Variants in SBNO2 observed in about 807,000 individuals in gnomAD.
SBNO2 encodes protein strawberry notch homolog 2.
Under a neutral mutation model 146.3 loss-of-function variants are expected in SBNO2, and 89 were observed. That is an observed-to-expected ratio of 0.61 (90% CI 0.51 to 0.73). The LOEUF (loss-of-function observed/expected upper bound fraction) is 0.73, where lower values mean the gene tolerates loss of function less well. SBNO2 is among the 30% of genes least tolerant of loss of function. SBNO2 has a pLI of 0.00. For synonymous variants in SBNO2, 1,147 were observed against 892.6 expected, an observed-to-expected ratio of 1.29 and a Z score of -5.08; for missense variants, 2,092 against 2,003.7, an observed-to-expected ratio of 1.04 and a Z score of -0.84.
At chr19:1,122,592 T>TGGCC in intron 9 of SBNO2, 34 bp from the exon 10 acceptor site, 1 of 1,455,632 alleles carries the variant, frequency 6.9e-7, no homozygotes, top group Non-Finnish European at 9.2e-7. Flanking sequence ...CGCCCACCCT[T>TGGCC]CCCCCTCGCC....
chr19:1,155,191 C>G (rs1466725588), intron 1 of SBNO2: 1 of 152,278 alleles, frequency 6.6e-6, no homozygotes. Flanking sequence ...GAGGCGGCGG[C>G]CACTCCCGGC....
rs760910576 is a variant in SBNO2, at chr19:1,110,687, G to A, written c.3028+58C>T. 21 of 1,582,758 alleles carry A rather than the reference G, an allele frequency of 1.3e-5. No individual in the cohort carries two copies. Among genetic ancestry groups the A allele is most frequent in the Non-Finnish European group, 1.4e-5 (16 of 1,160,576 alleles). On this transcript the variant is annotated intron_variant, in intron 26 of 31. Transcript: ENST00000361757. The surrounding 1 kb of genome is among the most constrained non-coding windows in gnomAD (Gnocchi z 4.9). ...CCCGAGCCCACCCAGGATGCATGGC[G>A]TTCCCACGAGCCCCGCACCCACACC...
chr19:1,109,338 T>C lies in SBNO2; in HGVS notation c.3302A>G (p.Gln1101Arg). The change falls in exon 29 of 32, where the codon CAG becomes CGG. Residue 1101 changes from glutamine (Q) to arginine (R), a missense_variant. Transcript: ENST00000361757. This position sits in a 1 kb window ranked among gnomAD's most constrained non-coding sequence, Gnocchi z 4.2. ...FTVYKPNIGRQSQLEALDSLR... is the reference protein window; with the variant it reads ...FTVYKPNIGRRSQLEALDSLR... Reference sequence around the variant, plus strand: ...GCTGTCCAGGGCCTCCAGCTGGCTCTGCCGGCCGATGTTGGGCTTGTACAC... The same window carrying C: ...GCTGTCCAGGGCCTCCAGCTGGCTCCGCCGGCCGATGTTGGGCTTGTACAC... 6.3e-7 allele frequency: 1 copy of C among 1,594,386 alleles called. No homozygotes were observed.
At position 1,109,925 on chromosome 19, in the gene SBNO2, G is replaced by A. The variant is rs1453581651; in HGVS notation, c.3029-148C>T. 2 of 634,452 alleles carry A rather than the reference G, an allele frequency of 3.2e-6. No homozygotes were observed. Among genetic ancestry groups the A allele is most frequent in the Admixed American group, 3.0e-5 (1 of 33,658 alleles). The allele number at this position is 634,452 out of a possible 1,614,324, so 39.3% of individuals were successfully genotyped here. A position where few individuals can be genotyped will look rare whatever the true frequency, so the allele number is the denominator to read the frequency against. On this transcript the variant is annotated intron_variant, in intron 26 of 31. Coordinates refer to ENST00000361757, the MANE Select transcript of SBNO2 (RefSeq NM_014963.3). This position sits in a 1 kb window ranked among gnomAD's most constrained non-coding sequence, Gnocchi z 4.2. ...CTGGATCCTGGCCTGACCTGGCCCA[G>A]CGTGGGGATGGTGCACGTGGGCCCC...
rs1465348170 is a variant in SBNO2 at position 1,109,372 on chromosome 19, A to G, written c.3268T>C (p.Phe1090Leu). ...CLLAEQNRGQFFTVYKPNIGR... is the reference protein window; with the variant it reads ...CLLAEQNRGQLFTVYKPNIGR... The stretch of plus-strand genomic sequence containing the variant: ...ATGTTGGGCTTGTACACCGTGAAGA[A>G]CTGGCCGCGGTTCTGCTCCGCCAGC... The change falls in exon 29 of 32, where the codon TTC (phenylalanine) becomes CTC (leucine). Residue 1090 changes from phenylalanine (F) to leucine (L), a missense_variant. Coordinates refer to ENST00000361757, the MANE Select transcript of SBNO2 (RefSeq NM_014963.3). The surrounding 1 kb of genome is among the most constrained non-coding windows in gnomAD (Gnocchi z 4.2). 5.7e-6 allele frequency: 9 copies of G among 1,579,682 alleles called. No individual in the cohort carries two copies. The highest frequency in any genetic ancestry group is 7.7e-6 in the Non-Finnish European group (9 of 1,163,892).
At chr19:1,169,648 A>C (rs1245855606) in intron 1 of SBNO2, among the ~76,000 whole-genome samples, 2 of 151,100 alleles carry the variant, frequency 1.3e-5, no homozygotes, top group East Asian at 3.9e-4. Flanking sequence ...ACAGCTGCCC[A>C]TCACCCCTTG....
intron 5 of SBNO2, 100 bp from the exon 6 acceptor site, chr19:1,124,122 G>T (rs1322971793): frequency 1.8e-6 from 2 of 1,094,398 alleles, no homozygotes; most frequent in Non-Finnish European, 2.7e-6. Context: ...CCACTGCCCC[G>T]TCCTCGCCTC....
At chr19:1,118,214 T>A (rs2079856003) in intron 14 of SBNO2, among the ~76,000 whole-genome samples, 1 of 152,154 alleles carries the variant, frequency 6.6e-6, no homozygotes, top group Non-Finnish European at 1.5e-5. Flanking sequence ...GGCACATGCC[T>A]GTAACCCCAG....
chr19:1,163,291 G>T (rs115744740), intron 1 of SBNO2, among the ~76,000 whole-genome samples: 15 of 152,328 alleles, frequency 9.8e-5, no homozygotes, highest in African/African-American at 3.6e-4. Flanking sequence ...GGAGACGGCC[G>T]CATGGAGACG....
intron 4 of SBNO2, among the ~76,000 whole-genome samples, chr19:1,129,260 C>T (rs920132721): frequency 2.0e-5 from 3 of 152,070 alleles, no homozygotes; most frequent in Non-Finnish European, 4.4e-5. Context: ...CAGGGAGACT[C>T]CATCTCAAGA....
intron 23 of SBNO2, 30 bp from the exon 24 acceptor site, chr19:1,111,644 G>A (rs984544877): frequency 3.3e-6 from 5 of 1,513,380 alleles, no homozygotes; most frequent in Non-Finnish European, 4.5e-6. Context: ...CGGGGAGGAG[G>A]CCCAGGGAGG....
intron 5 of SBNO2, 138 bp downstream of exon 5, chr19:1,127,466 G>A (rs796128607): frequency 2.4e-6 from 2 of 830,210 alleles, no homozygotes; most frequent in Admixed American, 2.2e-5. Context: ...CATGGCCACA[G>A]ATGGCGCCGA....
chr19:1,120,509 G>C (rs890163394), intron 11 of SBNO2, among the ~76,000 whole-genome samples: 4 of 152,052 alleles, frequency 2.6e-5, no homozygotes, highest in African/African-American at 9.7e-5. Flanking sequence ...TGGGACTACA[G>C]GTGTGTGCCA....
chr19:1,112,764 C>G lies in SBNO2; in HGVS notation c.2379+54G>C. On this transcript the variant is annotated intron_variant, in intron 20 of 31. Coordinates refer to ENST00000361757, the MANE Select transcript of SBNO2 (RefSeq NM_014963.3). This position sits in a 1 kb window ranked among gnomAD's most constrained non-coding sequence, Gnocchi z 5.9. ...CACAGTCCCCGGGGACCCTTGGGCC[C>G]CTCTGTGCCTCTTGGGTCCCGTGGG... 1 of 1,518,608 alleles carries G rather than the reference C, an allele frequency of 6.6e-7. No homozygotes were observed. The highest frequency in any genetic ancestry group is 1.4e-5 in the African/African-American group (1 of 72,714). The allele number at this position is 1,518,608 out of a possible 1,614,324, so 94.1% of individuals were successfully genotyped here.
At chr19:1,117,629 G>C in intron 14 of SBNO2, 130 bp from the exon 15 acceptor site, 2 of 939,300 alleles carry the variant, frequency 2.1e-6, no homozygotes, top group South Asian at 3.4e-5. Flanking sequence ...GGATGGGGGT[G>C]CTGGGGGTGT....
intron 23 of SBNO2, 48 bp from the exon 24 acceptor site, chr19:1,111,662 C>T: frequency 7.0e-7 from 1 of 1,427,302 alleles, no homozygotes; most frequent in South Asian, 1.2e-5. Flanking sequence ...AGGAGGCTGG[C>T]TTTCCCTGGA....
At chr19:1,122,598 TC>T in intron 9 of SBNO2, 40 bp from the exon 10 acceptor site, 1 of 300,182 alleles carries the variant, frequency 3.3e-6, no homozygotes, top group Non-Finnish European at 4.5e-6. Flanking sequence ...CCCTTCCCCC[TC>T]GCCCCCCGCT....
In SBNO2 at chr19:1,109,770, A is replaced by G; in HGVS notation, c.3036T>C (p.Ala1012=). ...CCTCGTAGATCTCCTCGATACCGGG[A>G]GCAAGGTCTAGGGGGGCGGGTGGAG... ...GKYDMGILDL[A]PGIEEIYEES... is the part of the protein sequence containing the mutation. The change falls in exon 27 of 32, where the codon GCT becomes GCC. Residue 1012 remains alanine (A), a synonymous_variant. Transcript: ENST00000361757. The surrounding 1 kb of genome is among the most constrained non-coding windows in gnomAD (Gnocchi z 4.2). 1.4e-6 allele frequency: 2 copies of G among 1,467,820 alleles called. No homozygotes were observed. The highest frequency in any genetic ancestry group is 6.0e-5 in the East Asian group (2 of 33,280). The allele number at this position is 1,467,820 out of a possible 1,614,324, so 90.9% of individuals were successfully genotyped here.
intron 2 of SBNO2, among the ~76,000 whole-genome samples, chr19:1,153,862 C>T (rs370475924): frequency 1.3e-5 from 2 of 152,248 alleles, no homozygotes; most frequent in East Asian, 1.9e-4. Context: ...AATTCCCTCA[C>T]TGACAGGTTC....
Sources: gnomAD v4.1 joint callset for allele counts (sites outside exome capture counted in the v4.1 genomes callset) on GRCh38, gnomAD v4.1.1 for gene constraint, Gnocchi (gnomAD v3.1) non-coding constraint, MANE v1.5 for transcripts, NCBI Gene and HGNC (gene_info 2026-07-23, HGNC 2026-07-21) for gene names.